The following ZNF385D variants were observed in gnomAD, a reference collection of about 807,000 sequenced individuals.
ZNF385D encodes zinc finger protein 659.
In ZNF385D, 15 loss-of-function variants were observed where a neutral mutation model predicts 35.8. The ratio of observed to expected loss-of-function variants is 0.42; its 90% CI spans 0.28 to 0.64. The LOEUF (loss-of-function observed/expected upper bound fraction) is 0.64. Among genes scored for constraint, ZNF385D ranks in the 30% least tolerant of loss-of-function variants. The pLI is 0.23. For missense variants in ZNF385D, 474 were observed against 494.6 expected (o/e 0.96, Z 0.39); for synonymous variants, 212 against 186.8 (o/e 1.13, Z -1.10).
rs1700967293 is a variant in ZNF385D at position 22,085,255 on chromosome 3, C to A, written c.325+83562G>T. Among the ~76,000 whole-genome samples the A allele has an allele frequency of 2.6e-5, 4 of 152,124 alleles. No individual in the cohort carries two copies. In the South Asian group the frequency reaches 6.2e-4, roughly 24 times the overall value. On this transcript the variant is annotated intron_variant, in intron 3 of 5. Transcript: ENST00000494108. ...AGAGCAGAACTGAAGGAGATAGAAT[C>A]ATAAAAAACCCTTCAAAAAATCAAT...
intron 2 of ZNF385D, among the ~76,000 whole-genome samples, chr3:22,281,244 C>T (rs2728967): frequency 0.56 from 84,981 of 151,878 alleles, 25,941 homozygotes; most frequent in African/African-American, 0.83. Context: ...TCTTGTCTGA[C>T]TGCTCTGGCT....
chr3:21,489,521 G>A (rs1218044486), intron 4 of ZNF385D, among the ~76,000 whole-genome samples: 1 of 152,074 alleles, frequency 6.6e-6, no homozygotes, highest in Non-Finnish European at 1.5e-5. Context: ...AGGGGATAGA[G>A]TTTTAAAGAC....
At chr3:22,102,257 G>A (rs1424838134) in intron 3 of ZNF385D, among the ~76,000 whole-genome samples, 2 of 151,900 alleles carry the variant, frequency 1.3e-5, no homozygotes, top group Non-Finnish European at 2.9e-5. Flanking sequence ...GCCAGACACT[G>A]CTAAGTATTT....
At chr3:21,558,917 A>G (rs1447688550) in intron 3 of ZNF385D, among the ~76,000 whole-genome samples, 1 of 149,906 alleles carries the variant, frequency 6.7e-6, no homozygotes, top group Non-Finnish European at 1.5e-5. Context: ...CCATTATGTA[A>G]TGTCCTTCTT....
At chr3:21,579,718 A>G (rs2063596180) in intron 2 of ZNF385D, 1 of 151,780 alleles carries the variant, frequency 6.6e-6, no homozygotes, top group Non-Finnish European at 1.5e-5. Context: ...TTTGAAATCC[A>G]GGTGCTGTCA....
intron 4 of ZNF385D, among the ~76,000 whole-genome samples, chr3:21,482,951 A>C (rs1299150560): frequency 2.0e-5 from 3 of 152,164 alleles, no homozygotes; most frequent in East Asian, 1.9e-4. Context: ...AATTACCAAA[A>C]CCAGAAAATT....
At chr3:22,095,147 A>T (rs1477588047) in intron 3 of ZNF385D, among the ~76,000 whole-genome samples, 1 of 140,856 alleles carries the variant, frequency 7.1e-6, no homozygotes, top group Non-Finnish European at 1.5e-5. Flanking sequence ...TGCTGGTCTC[A>T]AACTCTAAAA....
chr3:21,967,842 T>C (rs919838871), intron 3 of ZNF385D, among the ~76,000 whole-genome samples: 9 of 152,196 alleles, frequency 5.9e-5, no homozygotes, highest in African/African-American at 2.2e-4. Flanking sequence ...CCCGTGATTA[T>C]TCCCTCTACA....
chr3:21,720,197 G>T (rs996272985), intron 1 of ZNF385D, among the ~76,000 whole-genome samples: 1 of 152,162 alleles, frequency 6.6e-6, no homozygotes, highest in African/African-American at 2.4e-5. Flanking sequence ...AGAGCCACTG[G>T]CCTAGAATAG....
intron 3 of ZNF385D, among the ~76,000 whole-genome samples, chr3:21,756,984 C>T (rs2070367007): frequency 6.6e-6 from 1 of 151,978 alleles, no homozygotes; most frequent in Non-Finnish European, 1.5e-5. Context: ...AAATTAAATG[C>T]CTGGGGTCAT....
chr3:21,608,534 C>T (rs1479859017), intron 2 of ZNF385D, among the ~76,000 whole-genome samples: 1 of 152,130 alleles, frequency 6.6e-6, no homozygotes, highest in East Asian at 1.9e-4. Flanking sequence ...CTTCTACTTC[C>T]TCTGCTGTAT....
intron 3 of ZNF385D, among the ~76,000 whole-genome samples, chr3:22,150,450 A>G (rs1257318401): frequency 6.6e-6 from 1 of 152,096 alleles, no homozygotes; most frequent in Non-Finnish European, 1.5e-5. Flanking sequence ...ACATGGATAT[A>G]AAAATAGGCC....
At chr3:21,508,090 CT>C (rs1706921282) in intron 4 of ZNF385D, among the ~76,000 whole-genome samples, 1 of 152,120 alleles carries the variant, frequency 6.6e-6, no homozygotes, top group Admixed American at 6.6e-5. Flanking sequence ...ATGTCCATCG[CT>C]TCCTTCTTTT....
intron 3 of ZNF385D, among the ~76,000 whole-genome samples, chr3:21,858,950 G>A (rs12496667): frequency 0.09 from 13,719 of 152,024 alleles, 771 homozygotes; most frequent in East Asian, 0.14. Flanking sequence ...TCCCCTCACT[G>A]CTTTATCTCA....
chr3:21,786,604 T>A (rs931791898), intron 3 of ZNF385D, among the ~76,000 whole-genome samples: 3 of 152,194 alleles, frequency 2.0e-5, no homozygotes, highest in Non-Finnish European at 4.4e-5. Flanking sequence ...AAAACAACTT[T>A]CAAATATCTC....
chr3:22,308,862 GAACA>G (rs745901415), intron 2 of ZNF385D, among the ~76,000 whole-genome samples: 12 of 151,990 alleles, frequency 7.9e-5, no homozygotes, highest in African/African-American at 1.2e-4. Flanking sequence ...CTCAGCAACA[GAACA>G]AACAAATACA....
Position 21,425,689 on chromosome 3 carries a change from T to G in ZNF385D, c.674-19A>C. 6.8e-7 allele frequency: 1 copy of G among 1,463,206 alleles called. No homozygotes were observed. The highest frequency in any genetic ancestry group is 9.1e-7 in the Non-Finnish European group (1 of 1,096,338). 90.6% of individuals were successfully genotyped at this position (1,463,206 alleles called of 1,614,324 possible). A position where few individuals can be genotyped will look rare whatever the true frequency, so the allele number is the denominator to read the frequency against. Reference sequence around the variant, plus strand: ...TTAGTACCTGTCAGGAATATTGAAATGAAGGAAGGAAAGGAGGGAGGAAAG... The same window carrying G: ...TTAGTACCTGTCAGGAATATTGAAAGGAAGGAAGGAAAGGAGGGAGGAAAG... On this transcript the variant is annotated intron_variant, in intron 5 of 7. Transcript: ENST00000281523.
chr3:21,443,619 A>G (rs1185250687), intron 4 of ZNF385D, among the ~76,000 whole-genome samples: 1 of 152,204 alleles, frequency 6.6e-6, no homozygotes, highest in African/African-American at 2.4e-5. Flanking sequence ...TTGCACTTCA[A>G]ACTGATTTCA....
intron 4 of ZNF385D, among the ~76,000 whole-genome samples, chr3:21,481,477 C>T (rs1026273641): frequency 2.0e-5 from 3 of 152,086 alleles, no homozygotes; most frequent in Admixed American, 1.3e-4. Context: ...TTGTACAACC[C>T]CAATGGCTGA....
Sources: allele counts gnomAD v4.1 joint callset (sites outside exome capture counted in the v4.1 genomes callset), GRCh38; gene constraint gnomAD v4.1.1; transcripts MANE v1.5; gene names NCBI Gene and HGNC (gene_info 2026-07-23, HGNC 2026-07-21).